RAB1B: variants seen among roughly 807,000 people sequenced by gnomAD.
RAB1B encodes RAB1B, member RAS oncogene family.
RAB1B carries 10 observed loss-of-function variants against 24.8 expected under a neutral mutation model. That is an observed-to-expected ratio of 0.40 (90% CI 0.25 to 0.68). The LOEUF is 0.68. RAB1B is among the 30% of genes least tolerant of loss of function. RAB1B has a pLI of 0.37. For synonymous variants in RAB1B, 99 were observed against 111.7 expected, an observed-to-expected ratio of 0.89 and a Z score of 0.72; for missense variants, 154 against 271.2, an observed-to-expected ratio of 0.57 and a Z score of 3.04.
chr11:66,269,100 G>A (rs1255897927), intron 1 of RAB1B, among the ~76,000 whole-genome samples: 9 of 152,030 alleles, frequency 5.9e-5, no homozygotes, highest in Non-Finnish European at 8.8e-5. Context: ...GGCCCTTTAG[G>A]TCGGGCAGTG....
chr11:66,275,079 C>T (rs1292463130), intron 4 of RAB1B, among the ~76,000 whole-genome samples: 2 of 152,176 alleles, frequency 1.3e-5, no homozygotes, highest in Admixed American at 1.3e-4. Context: ...ATGATTTCCC[C>T]CTTTGTCCCC....
chr11:66,269,383 G>T (rs1483551502), intron 1 of RAB1B, among the ~76,000 whole-genome samples: 3 of 152,160 alleles, frequency 2.0e-5, no homozygotes, highest in Non-Finnish European at 4.4e-5. Context: ...AAGTTTAGAT[G>T]AATATGGAAT....
At chr11:66,273,681 T>A (rs748404605) in intron 4 of RAB1B, among the ~76,000 whole-genome samples, 5 of 152,218 alleles carry the variant, frequency 3.3e-5, no homozygotes, top group Non-Finnish European at 7.3e-5. Context: ...GGCTGTGGCT[T>A]CCCTCCTCTG....
At chr11:66,268,944 G>C (rs1590882307) in intron 1 of RAB1B, among the ~76,000 whole-genome samples, 1 of 151,610 alleles carries the variant, frequency 6.6e-6, no homozygotes, top group Non-Finnish European at 1.5e-5. Flanking sequence ...CTTGGAGCTC[G>C]AGACATCGGT....
rs1857068530 is a variant in RAB1B at position 66,272,037 on chromosome 11, T to C, written c.88-120T>C. ...AACAAGACAGGGCTGGCCAGCTGAG[T>C]GCTGGGAATTGGGGCTTGGTGGTTC... On this transcript the variant is annotated intron_variant, in intron 2 of 5. Coordinates refer to ENST00000311481, the MANE Select transcript of RAB1B (RefSeq NM_030981.3). 3.4e-5 allele frequency: 33 copies of C among 962,690 alleles called. No individual in the cohort carries two copies. In the South Asian group the frequency reaches 3.8e-4, roughly 11 times the overall value. 59.6% of individuals were successfully genotyped at this position (962,690 alleles called of 1,614,324 possible).
intron 1 of RAB1B, chr11:66,270,526 C>G (rs923505857): frequency 1.3e-5 from 2 of 152,264 alleles, no homozygotes; most frequent in African/African-American, 4.8e-5. Context: ...TGCAGTGAGC[C>G]GAGATCGTGC....
chr11:66,276,204 C>T lies in RAB1B; in HGVS notation c.572C>T (p.Thr191Ile), dbSNP rs772805173. 6.2e-7 allele frequency: 1 copy of T among 1,602,176 alleles called. No individual in the cohort carries two copies. The highest frequency in any genetic ancestry group is 1.4e-5 in the African/African-American group (1 of 74,050). Residue 191 changes from threonine to isoleucine, a missense_variant, in exon 6 of 6, where the codon ACC (threonine) becomes ATC (isoleucine). This residue lies in a region of RAB1B where 77 missense variants were observed against 97.8 expected (regional missense o/e 0.79). Coordinates refer to ENST00000311481, the MANE Select transcript of RAB1B (RefSeq NM_030981.3). ...CGGCCCAATCTCAAGATCGACAGCA[C>T]CCCTGTAAAGCCGGCTGGCGGTGGC... is the stretch of plus-strand genomic sequence containing the variant. ...GERPNLKIDS[T>I]PVKPAGGGCC
intron 4 of RAB1B, among the ~76,000 whole-genome samples, 184 bp from the exon 5 acceptor site, chr11:66,275,620 A>T (rs1857128927): frequency 6.6e-6 from 1 of 152,030 alleles, no homozygotes; most frequent in South Asian, 2.1e-4. Flanking sequence ...TGGGTCTCGG[A>T]TGGAAGAGGG....
chr11:66,272,566 C>T (rs1218246795), intron 4 of RAB1B, 106 bp downstream of exon 4: 2 of 751,530 alleles, frequency 2.7e-6, no homozygotes, highest in Non-Finnish European at 4.3e-6. Context: ...CTGGAAAGGA[C>T]ACTATTTGTC....
chr11:66,273,548 A>G (rs1376079189), intron 4 of RAB1B, among the ~76,000 whole-genome samples: 2 of 152,014 alleles, frequency 1.3e-5, no homozygotes, highest in Admixed American at 6.6e-5. Flanking sequence ...GCTGCCTCCC[A>G]TCACCCTGTG....
At chr11:66,271,221 C>G (rs1857051498) in intron 1 of RAB1B, 1 of 152,440 alleles carries the variant, frequency 6.6e-6, no homozygotes, top group African/African-American at 2.4e-5. Flanking sequence ...GGTGTGGTGG[C>G]TCACACCTGT....
At chr11:66,272,136 C>G (rs745720151) in intron 2 of RAB1B, 21 bp from the exon 3 acceptor site, 1 of 1,563,312 alleles carries the variant, frequency 6.4e-7, no homozygotes, top group Non-Finnish European at 8.8e-7. Flanking sequence ...CCCATGATTT[C>G]ATTGGCCCCT....
At chr11:66,269,426 C>T (rs1857015043) in intron 1 of RAB1B, among the ~76,000 whole-genome samples, 1 of 152,232 alleles carries the variant, frequency 6.6e-6, no homozygotes, top group African/African-American at 2.4e-5. Context: ...ATTCTCTGGT[C>T]CTCAAACTCT....
In RAB1B at chr11:66,277,301, T is replaced by G. The variant is rs2134870541; in HGVS notation, c.*1063T>G. On this transcript the variant is annotated 3_prime_UTR_variant, in exon 6 of 6. Coordinates refer to ENST00000311481, the MANE Select transcript of RAB1B (RefSeq NM_030981.3). ...CGTGCTGTCTCTTGCCTGTCCCACC[T>G]GTGCCCTGCCCTCCAGCTTGTATTT... 1 of 152,862 alleles carries G rather than the reference T, an allele frequency of 6.5e-6. No homozygotes were observed. Among genetic ancestry groups the G allele is most frequent in the Non-Finnish European group, 1.5e-5 (1 of 68,086 alleles). 9.5% of individuals were successfully genotyped at this position (152,862 alleles called of 1,614,324 possible).
chr11:66,268,761 G>A, intron 1 of RAB1B, 68 bp downstream of exon 1: 3 of 1,485,832 alleles, frequency 2.0e-6, no homozygotes, highest in South Asian at 2.6e-5. Flanking sequence ...ACGCTTACCG[G>A]GGTTGTCTGG....
At chr11:66,275,642 G>T (rs1857129069) in intron 4 of RAB1B, among the ~76,000 whole-genome samples, 162 bp from the exon 5 acceptor site, 1 of 152,166 alleles carries the variant, frequency 6.6e-6, no homozygotes. Flanking sequence ...AGGGAGGAAG[G>T]TTCAGCCTGG....
Position 66,276,279 on chromosome 11 carries a change from AGAT to A in RAB1B, c.*46_*48del. The A allele has an allele frequency of 6.8e-7, 1 of 1,462,196 alleles. No homozygotes were observed. Among genetic ancestry groups the A allele is most frequent in the Non-Finnish European group, 9.2e-7 (1 of 1,092,038 alleles). The allele number at this position is 1,462,196 out of a possible 1,614,324, so 90.6% of individuals were successfully genotyped here. On this transcript the variant is annotated 3_prime_UTR_variant, in exon 6 of 6. Transcript: ENST00000311481. Reference sequence around the variant, plus strand: ...TGGGACAGGAGGGGGCACCTTCTCCAGATGATGTCCCTGGAGGGGGCAGGAGGT... The same window carrying A: ...TGGGACAGGAGGGGGCACCTTCTCCAGATGTCCCTGGAGGGGGCAGGAGGT...
rs779158749 is a variant in RAB1B at position 66,276,054 on chromosome 11, A to G, written c.422A>G (p.Asp141Gly). The change falls in exon 6 of 6, where the codon GAC becomes GGC. Residue 141 changes from aspartate (D) to glycine (G), a missense_variant. Asp to Gly is a moderately conservative substitution (Grantham distance 94). Around this residue, in one of 2 missense-constraint regions of RAB1B, gnomAD observed 77 missense variants for 97.8 expected, o/e 0.79. Transcript: ENST00000311481. The stretch of plus-strand genomic sequence containing the variant: ...CCTCTCCCTTGTCAGGAGTTTGCAG[A>G]CTCTCTGGGCATCCCCTTCTTGGAG... ...VDNTTAKEFA[D>G]SLGIPFLETS... The G allele has an allele frequency of 4.3e-6, 7 of 1,612,312 alleles. No individual in the cohort carries two copies. In the South Asian group the frequency reaches 5.5e-5, roughly 13 times the overall value.
At position 66,275,809 on chromosome 11, in the gene RAB1B, C is replaced by G. The variant is rs1383871395; in HGVS notation, c.285C>G (p.Ser95=). The G allele has an allele frequency of 2.5e-6, 4 of 1,578,792 alleles. No individual in the cohort carries two copies. In the African/African-American group the frequency reaches 4.0e-5, roughly 16 times the overall value. The change falls in exon 5 of 6, where the codon TCC becomes TCG. Residue 95 remains serine (S), a synonymous_variant. Coordinates refer to ENST00000311481, the MANE Select transcript of RAB1B (RefSeq NM_030981.3). ...TGGCCCCTGGCCCCCTTTAGGAATC[C>G]TACGCCAACGTGAAGCAGTGGCTGC... is the stretch of plus-strand genomic sequence containing the variant. ...IVVYDVTDQE[S]YANVKQWLQE...
Sources: allele counts gnomAD v4.1 joint callset (sites outside exome capture counted in the v4.1 genomes callset), GRCh38; gene constraint gnomAD v4.1.1; regional missense constraint gnomAD v4.1.1; transcripts MANE v1.5; gene names NCBI Gene and HGNC (gene_info 2026-07-23, HGNC 2026-07-21).